The following ENPP4 variants were observed in gnomAD, a reference collection of about 807,000 sequenced individuals.
The protein encoded by ENPP4 is ectonucleotide pyrophosphatase/phosphodiesterase 4, also known as bis(5'-adenosyl)-triphosphatase ENPP4.
ENPP4 carries 18 observed loss-of-function variants against 33.4 expected under a neutral mutation model. That is an observed-to-expected ratio of 0.54 (90% confidence interval 0.37 to 0.80). The LOEUF (loss-of-function observed/expected upper bound fraction) is 0.80, where lower values mean the gene tolerates loss of function less well. Ranked by LOEUF, ENPP4 falls within the 30% of genes least tolerant of loss-of-function variation. The pLI is 0.00. For missense variants in ENPP4, 480 were observed against 541.7 expected, an observed-to-expected ratio of 0.89 and a Z score of 1.13; for synonymous variants, 172 against 189.9, an observed-to-expected ratio of 0.91 and a Z score of 0.78.
At chr6:46,134,358 A>T (rs1385923557) in intron 1 of ENPP4, among the ~76,000 whole-genome samples, 1 of 152,104 alleles carries the variant, frequency 6.6e-6, no homozygotes, top group East Asian at 1.9e-4. Flanking sequence ...TGTACTACTT[A>T]TCCTGAGAAC....
intron 1 of ENPP4, among the ~76,000 whole-genome samples, chr6:46,138,488 A>G (rs1320635662): frequency 6.6e-6 from 1 of 151,838 alleles, no homozygotes; most frequent in Non-Finnish European, 1.5e-5. Flanking sequence ...CATCTTCCAC[A>G]TTAACTATTT....
At chr6:46,132,587 G>A (rs1763916048) in intron 1 of ENPP4, among the ~76,000 whole-genome samples, 2 of 152,190 alleles carry the variant, frequency 1.3e-5, no homozygotes, top group Non-Finnish European at 1.5e-5. Context: ...GTCAGGTAGT[G>A]TGATGCCTCC....
rs1763918826 is a variant in ENPP4 at position 46,132,702 on chromosome 6, G to T, written c.-34+2513G>T. ...TCCAATTCTGTGAAGAAAGTCATTG[G>T]TAGCTTGATGGGGATGGCATTGAAT... On this transcript the variant is annotated intron_variant, in intron 1 of 3. Coordinates refer to ENST00000321037, the MANE Select transcript of ENPP4 (RefSeq NM_014936.5). Among the ~76,000 whole-genome samples the T allele has an allele frequency of 2.0e-5, 3 of 152,168 alleles. No individual in the cohort carries two copies. In the South Asian group the frequency reaches 6.2e-4, roughly 32 times the overall value.
Position 46,140,273 on chromosome 6 carries a change from T to C in ENPP4, c.690T>C (p.Leu230=), listed in dbSNP as rs1470828525. The C allele has an allele frequency of 6.2e-7, 1 of 1,612,508 alleles. No homozygotes were observed. Among genetic ancestry groups the C allele is most frequent in the Admixed American group, 1.7e-5 (1 of 59,828 alleles). Residue 230 remains leucine (L), a synonymous_variant, in exon 2 of 4, where the codon CTT becomes CTC. Transcript: ENST00000321037. The part of the protein sequence containing the change: ...RLKMLGLWEN[L]NVIITSDHGM... Reference sequence around the variant, plus strand: ...AGATGTTAGGGCTATGGGAAAATCTTAATGTGATCATTACAAGTGATCATG... The same window carrying C: ...AGATGTTAGGGCTATGGGAAAATCTCAATGTGATCATTACAAGTGATCATG...
rs2127492630 is a variant in ENPP4 at position 46,139,758 on chromosome 6, G to A, written c.175G>A (p.Val59Ile). ...GAATTTTATCAAAGAAGGTGTTTTG[G>A]TAGAGCATGTTAAAAATGTTTTTAT... ...LQNFIKEGVL[V>I]EHVKNVFITK... is the part of the protein sequence containing the mutation. The change falls in exon 2 of 4, where the codon GTA becomes ATA. Residue 59 changes from valine (V) to isoleucine (I), a missense_variant. Physicochemically the swap from Val to Ile is conservative, Grantham distance 29. Coordinates refer to ENST00000321037, the MANE Select transcript of ENPP4 (RefSeq NM_014936.5). 2 of 1,611,896 alleles carry A rather than the reference G, an allele frequency of 1.2e-6. No individual in the cohort carries two copies. The highest frequency in any genetic ancestry group is 4.5e-5 in the East Asian group (2 of 44,852).
chr6:46,131,371 C>T (rs560811840), intron 1 of ENPP4, among the ~76,000 whole-genome samples: 155 of 148,406 alleles, frequency 1.0e-3, no homozygotes, highest in African/African-American at 3.3e-3. Context: ...CATGTGTTCT[C>T]ATTGTTCAAT....
chr6:46,133,138 G>C (rs182508151), intron 1 of ENPP4, among the ~76,000 whole-genome samples: 2 of 132,468 alleles, frequency 1.5e-5, no homozygotes, highest in African/African-American at 5.1e-5. Flanking sequence ...TTTGATGAAA[G>C]GACAAGGAGT....
intron 1 of ENPP4, among the ~76,000 whole-genome samples, chr6:46,135,082 T>C (rs1763958278): frequency 6.6e-6 from 1 of 152,170 alleles, no homozygotes; most frequent in Admixed American, 6.6e-5. Context: ...TATCCATTCA[T>C]AAGTTAGTGC....
intron 1 of ENPP4, among the ~76,000 whole-genome samples, chr6:46,132,882 T>C (rs1433475187): frequency 6.6e-6 from 1 of 151,906 alleles, no homozygotes; most frequent in Admixed American, 6.6e-5. Flanking sequence ...CCCTTGTAAG[T>C]TGGATTCCTA....
At chr6:46,143,236 G>A (rs754983460) in intron 3 of ENPP4, 40 bp from the exon 4 acceptor site, 2 of 1,517,598 alleles carry the variant, frequency 1.3e-6, no homozygotes, top group Admixed American at 2.2e-5. Context: ...GTCCTAAAAA[G>A]TCTGATCTTA....
intron 3 of ENPP4, among the ~76,000 whole-genome samples, chr6:46,142,456 TTATA>T (rs919687749): frequency 5.5e-5 from 1 of 18,242 alleles, no homozygotes; most frequent in Non-Finnish European, 2.5e-4. Context: ...ATATTATATA[TTATA>T]TATAGAAAAA....
rs548273280 is a variant in ENPP4, at chr6:46,146,300, A to G, written c.*2660A>G. The G allele has an allele frequency of 1.2e-4, 18 of 152,484 alleles. No homozygotes were observed. Among genetic ancestry groups the G allele is most frequent in the African/African-American group, 4.3e-4 (18 of 41,550 alleles). The allele number at this position is 152,484 out of a possible 1,614,324, so 9.4% of individuals were successfully genotyped here. On this transcript the variant is annotated 3_prime_UTR_variant, in exon 4 of 4. Transcript: ENST00000321037. ...TCCACTAGGAATGGCATAAGAATTTATAGATAAATTCTTGTAACATTAAAG... is the reference window on the plus strand; with the variant it reads ...TCCACTAGGAATGGCATAAGAATTTGTAGATAAATTCTTGTAACATTAAAG...
intron 1 of ENPP4, among the ~76,000 whole-genome samples, chr6:46,137,632 G>A (rs1309952626): frequency 6.6e-6 from 1 of 151,858 alleles, no homozygotes; most frequent in East Asian, 1.9e-4. Context: ...CTGTGTCTGT[G>A]GAAATACCCA....
At chr6:46,131,428 C>A (rs910235552) in intron 1 of ENPP4, among the ~76,000 whole-genome samples, 14 of 151,382 alleles carry the variant, frequency 9.2e-5, no homozygotes, top group South Asian at 2.1e-4. Flanking sequence ...TTTGTTCTTG[C>A]GATAGTTTAC....
rs201549467 is a variant in ENPP4 at position 46,139,656 on chromosome 6, C to A, written c.73C>A (p.Pro25Thr). Residue 25 changes from proline (P) to threonine (T), a missense_variant, in exon 2 of 4, where the codon CCA (proline) becomes ACA (threonine). By Grantham distance (38) the Pro-to-Thr change is conservative (BLOSUM62 -1). Coordinates refer to ENST00000321037, the MANE Select transcript of ENPP4 (RefSeq NM_014936.5). ...GFRSDSSSSL[P>T]PKLLLVSFDG... is the part of the protein sequence containing the mutation. ...TAGAAGTGACTCTTCCTCTAGTTTGCCACCTAAGTTACTACTAGTATCCTT... is the reference window on the plus strand; with the variant it reads ...TAGAAGTGACTCTTCCTCTAGTTTGACACCTAAGTTACTACTAGTATCCTT... The A allele has an allele frequency of 2.4e-5, 38 of 1,610,696 alleles. No individual in the cohort carries two copies. In the East Asian group the frequency reaches 8.5e-4, roughly 36 times the overall value.
chr6:46,135,162 T>C (rs1004388123), intron 1 of ENPP4, among the ~76,000 whole-genome samples: 1 of 152,110 alleles, frequency 6.6e-6, no homozygotes, highest in Admixed American at 6.6e-5. Flanking sequence ...AGTTTTTGTG[T>C]GGACATATGT....
At chr6:46,130,790 T>A (rs1364772546) in intron 1 of ENPP4, among the ~76,000 whole-genome samples, 3 of 152,194 alleles carry the variant, frequency 2.0e-5, no homozygotes, top group African/African-American at 4.8e-5. Flanking sequence ...ATTCCCATTT[T>A]ACAGATGACG....
Position 46,137,564 on chromosome 6 carries a change from C to T in ENPP4, c.-33-1987C>T, listed in dbSNP as rs549121611. On this transcript the variant is annotated intron_variant, in intron 1 of 3. Coordinates refer to ENST00000321037, the MANE Select transcript of ENPP4 (RefSeq NM_014936.5). ...TTGAGGGCATAAAATATTGAATGAA[C>T]GGGTAAGTACCATTGTCTAGATTCT... is the stretch of plus-strand genomic sequence containing the variant. Among the ~76,000 whole-genome samples the T allele has an allele frequency of 2.6e-4, 40 of 151,962 alleles. 1 individual carries two copies. Among genetic ancestry groups the T allele is most frequent in the Admixed American group, 1.1e-3 (17 of 15,214 alleles).
chr6:46,141,747 A>G (rs1239521256), intron 3 of ENPP4, among the ~76,000 whole-genome samples: 1 of 151,708 alleles, frequency 6.6e-6, no homozygotes, highest in Admixed American at 6.6e-5. Flanking sequence ...GAGAAAATGT[A>G]TAGGGGTGAG....
Sources: gnomAD v4.1 joint callset for allele counts (sites outside exome capture counted in the v4.1 genomes callset) on GRCh38, gnomAD v4.1.1 for gene constraint, MANE v1.5 for transcripts, NCBI Gene and HGNC (gene_info 2026-07-23, HGNC 2026-07-21) for gene names.